TLN2: variants seen among roughly 807,000 people sequenced by gnomAD.
TLN2 encodes talin 2.
A neutral mutation model predicts 294.7 loss-of-function variants in TLN2; 118 were observed. The ratio of observed to expected loss-of-function variants is 0.40; its 90% CI spans 0.34 to 0.47. TLN2 has a LOEUF of 0.47. TLN2 is among the 20% of genes least tolerant of loss of function. TLN2 has a pLI of 0.84. For missense variants in TLN2, 3,083 were observed against 3,282.2 expected (o/e 0.94, Z 1.48); for synonymous variants, 1,431 against 1,304.5 (o/e 1.10, Z -2.09).
intron 45 of TLN2, among the ~76,000 whole-genome samples, chr15:62,788,405 C>T (rs1299245124): frequency 6.6e-6 from 1 of 152,174 alleles, no homozygotes; most frequent in African/African-American, 2.4e-5. Context: ...GTTCTGTTGT[C>T]CTCTTTCATT....
chr15:62,542,635 GT>G (rs1344170595), intron 1 of TLN2, among the ~76,000 whole-genome samples: 2 of 152,124 alleles, frequency 1.3e-5, no homozygotes, highest in Non-Finnish European at 2.9e-5. Flanking sequence ...TAATTTACTG[GT>G]TTTTGTGACT....
intron 1 of TLN2, among the ~76,000 whole-genome samples, chr15:62,444,799 G>GA (rs2035735886): frequency 6.6e-6 from 1 of 152,208 alleles, no homozygotes; most frequent in South Asian, 2.1e-4. Flanking sequence ...AGTGCGGCAG[G>GA]AGGGGTAGAA....
chr15:62,745,790 T>C (rs978010153), intron 32 of TLN2, among the ~76,000 whole-genome samples: 12 of 152,214 alleles, frequency 7.9e-5, no homozygotes, highest in Admixed American at 2.0e-4. Context: ...TGTTTTTCAT[T>C]GTCAAATTTA....
In TLN2 at chr15:62,642,678, TTTTGTTTG is replaced by T. The variant is rs372165064; in HGVS notation, c.-36-4585_-36-4578del. Among the ~76,000 whole-genome samples, 1,335 of 151,560 alleles carry T rather than the reference TTTTGTTTG, an allele frequency of 8.8e-3. 11 individuals carry two copies. The highest frequency in any genetic ancestry group is 0.031 in the African/African-American group (1,276 of 40,990). On this transcript the variant is annotated intron_variant, in intron 3 of 58. Transcript: ENST00000636159. ...AATCCTACTTTCTTTTTGTTGTTGT[TTTTGTTTG>T]TTTGTTTGTTTTCTGTTTTTTTTTT... is the stretch of plus-strand genomic sequence containing the variant.
chr15:62,541,288 A>G (rs1406530527), intron 1 of TLN2, among the ~76,000 whole-genome samples: 1 of 152,220 alleles, frequency 6.6e-6, no homozygotes, highest in Non-Finnish European at 1.5e-5. Context: ...ATGAGGTAAC[A>G]CAAGTAAATA....
At chr15:62,432,541 CGTACACAGG>C (rs1360834265) in intron 1 of TLN2, among the ~76,000 whole-genome samples, 1 of 152,136 alleles carries the variant, frequency 6.6e-6, no homozygotes, top group East Asian at 1.9e-4. Flanking sequence ...AATTTTGGAT[CGTACACAGG>C]GTACCATATT....
intron 54 of TLN2, among the ~76,000 whole-genome samples, chr15:62,822,950 AC>A (rs1193394295): frequency 6.6e-6 from 1 of 152,192 alleles, no homozygotes; most frequent in East Asian, 1.9e-4. Context: ...AAATAACAGC[AC>A]CTTAAAAATT....
At chr15:62,568,685 C>T (rs906373840) in intron 1 of TLN2, among the ~76,000 whole-genome samples, 2 of 152,162 alleles carry the variant, frequency 1.3e-5, no homozygotes, top group African/African-American at 4.8e-5. Flanking sequence ...CACCTTCTCT[C>T]TTGACCCTGC....
chr15:62,629,835 C>T (rs1370643810), intron 3 of TLN2, among the ~76,000 whole-genome samples: 4 of 152,112 alleles, frequency 2.6e-5, no homozygotes, highest in Non-Finnish European at 5.9e-5. Context: ...TAGGGTAAAG[C>T]CCCAGGCAGC....
At chr15:62,658,235 G>A (rs998053654) in intron 9 of TLN2, 32 of 217,176 alleles carry the variant, frequency 1.5e-4, no homozygotes, top group African/African-American at 7.0e-4. Context: ...CAGTGTGGGG[G>A]TTGTGGGGAG....
chr15:62,484,690 G>T (rs1429832231), intron 1 of TLN2, among the ~76,000 whole-genome samples: 1 of 152,110 alleles, frequency 6.6e-6, no homozygotes, highest in Admixed American at 6.6e-5. Context: ...CTCCCAAAGT[G>T]CTGGGATTAC....
intron 22 of TLN2, among the ~76,000 whole-genome samples, chr15:62,713,752 C>G (rs1370234914): frequency 6.6e-6 from 1 of 152,036 alleles, no homozygotes; most frequent in East Asian, 1.9e-4. Flanking sequence ...CATCATGTTA[C>G]TTGAGGGACT....
At chr15:62,840,301 G>C (rs1023629211) in intron 58 of TLN2, among the ~76,000 whole-genome samples, 181 bp from the exon 59 acceptor site, 2 of 152,130 alleles carry the variant, frequency 1.3e-5, no homozygotes, top group Non-Finnish European at 2.9e-5. Context: ...GGCTCAGCTG[G>C]GTCATTAGTC....
intron 43 of TLN2, 122 bp downstream of exon 43, chr15:62,777,032 T>A: frequency 1.1e-6 from 1 of 905,698 alleles, no homozygotes; most frequent in Non-Finnish European, 1.5e-6. Context: ...AGGTTCTAGT[T>A]AATGTACAGA....
chr15:62,650,252 G>A (rs115265519), intron 5 of TLN2, 71 bp downstream of exon 5: 10 of 1,484,806 alleles, frequency 6.7e-6, no homozygotes, highest in African/African-American at 2.8e-5. Flanking sequence ...ACGCCAACAC[G>A]GTTACGCTAT....
At chr15:62,835,349 T>C in intron 55 of TLN2, 1 of 223,242 alleles carries the variant, frequency 4.5e-6, no homozygotes, top group Non-Finnish European at 8.9e-6. Flanking sequence ...AGATTTAAAT[T>C]TCTCTTAGCC....
At chr15:62,764,319 T>A (rs924901902) in intron 40 of TLN2, among the ~76,000 whole-genome samples, 3 of 152,186 alleles carry the variant, frequency 2.0e-5, no homozygotes, top group African/African-American at 7.2e-5. Context: ...TTTACTTCTA[T>A]CTCTACCGAA....
At chr15:62,496,091 T>A (rs1363866156) in intron 1 of TLN2, among the ~76,000 whole-genome samples, 1 of 152,202 alleles carries the variant, frequency 6.6e-6, no homozygotes, top group Non-Finnish European at 1.5e-5. Context: ...TCAGGGTGGA[T>A]TCTACGCCAG....
At position 62,800,459 on chromosome 15, in the gene TLN2, ACC is replaced by A; in HGVS notation, c.6328_6329del (p.Pro2110PhefsTer29). 1 of 1,614,140 alleles carries A rather than the reference ACC, an allele frequency of 6.2e-7. No homozygotes were observed. The highest frequency in any genetic ancestry group is 8.5e-7 in the Non-Finnish European group (1 of 1,180,024). On this transcript the variant is annotated frameshift_variant, in exon 49 of 59. Coordinates refer to ENST00000636159, the MANE Select transcript of TLN2 (RefSeq NM_015059.3). LOFTEE classifies it high-confidence loss of function. Reference sequence around the variant, plus strand: ...GGAGCTGCCAGCAAGCCAGTGGACGACCCTTCCATGTACCAGCTCAAGGGGGC... The same window carrying A: ...GGAGCTGCCAGCAAGCCAGTGGACGACTTCCATGTACCAGCTCAAGGGGGC...
Sources: gnomAD v4.1 joint callset for allele counts (sites outside exome capture counted in the v4.1 genomes callset) on GRCh38, gnomAD v4.1.1 for gene constraint, MANE v1.5 for transcripts, NCBI Gene and HGNC (gene_info 2026-07-23, HGNC 2026-07-21) for gene names.